Variants in EML2 observed in about 807,000 individuals in gnomAD.
The protein encoded by EML2 is EMAP like 2, also known as echinoderm microtubule-associated protein-like 2.
EML2 carries 59 observed loss-of-function variants against 84.7 expected under a neutral mutation model. The ratio of observed to expected loss-of-function variants is 0.70; its 90% CI spans 0.56 to 0.86. The LOEUF (loss-of-function observed/expected upper bound fraction) is 0.86. Among genes scored for constraint, EML2 ranks in the 40% least tolerant of loss-of-function variants. EML2 has a pLI of 0.00. For synonymous variants in EML2, 352 were observed against 348.9 expected (o/e 1.01, Z -0.10); for missense variants, 818 against 855.6 (o/e 0.96, Z 0.55).
rs536765162 is a variant in EML2 at position 45,637,254 on chromosome 19, T to C, written c.179+1251A>G. 1.1e-3 allele frequency among the ~76,000 whole-genome samples: 166 copies of C among 152,232 alleles called. 1 individual carries two copies. Among genetic ancestry groups the C allele is most frequent in the African/African-American group, 3.7e-3 (153 of 41,548 alleles). On this transcript the variant is annotated intron_variant, in intron 3 of 18. Transcript: ENST00000245925. ...GGTTCCTGGGGTGTGGACTCCAAGC[T>C]CAATAGGATTTTAGGAAAAAGTTTG...
chr19:45,638,984 G>A (rs1180801284), intron 1 of EML2, 111 bp from the exon 2 acceptor site: 4 of 1,295,274 alleles, frequency 3.1e-6, no homozygotes, highest in Non-Finnish European at 4.5e-6. Context: ...TGAAAACGGG[G>A]CCGAGTAAGG....
chr19:45,637,072 T>C (rs1295634018), intron 3 of EML2, among the ~76,000 whole-genome samples: 2 of 152,266 alleles, frequency 1.3e-5, no homozygotes, highest in Non-Finnish European at 1.5e-5. Flanking sequence ...CAGATGCTTA[T>C]CAAGCCCTAC....
At chr19:45,643,795 C>T (rs1165673161), upstream of EML2, 173 of 1,464,106 alleles carry the variant, frequency 1.2e-4, 1 homozygote, top group South Asian at 2.3e-3. Context: ...CGCCCTGCCC[C>T]CCACTCAGCG....
At chr19:45,626,932 G>A (rs1972415717) in intron 7 of EML2, 93 bp from the exon 8 acceptor site, 3 of 1,241,084 alleles carry the variant, frequency 2.4e-6, no homozygotes, top group South Asian at 3.1e-5. Context: ...ACGGCTGTTT[G>A]TGTTGTATGC....
upstream of EML2, chr19:45,643,675 C>T (rs1383824276): frequency 6.5e-7 from 1 of 1,535,882 alleles, no homozygotes; most frequent in African/African-American, 1.4e-5. Context: ...TGGAGCTCGC[C>T]CCTGCCATCC....
chr19:45,643,968 A>G (rs745591970), upstream of EML2, among the ~76,000 whole-genome samples: 7 of 152,160 alleles, frequency 4.6e-5, no homozygotes, highest in Non-Finnish European at 1.0e-4. Context: ...GGCTAGTAGG[A>G]GTGTGCAGAG....
upstream of EML2, chr19:45,644,889 C>A (rs938756898): frequency 4.6e-6 from 2 of 432,394 alleles, no homozygotes; most frequent in African/African-American, 4.0e-5. Flanking sequence ...CAAATCCACC[C>A]CCACCCCCTC....
intron 4 of EML2, among the ~76,000 whole-genome samples, chr19:45,633,952 A>ACTGT (rs1973396202): frequency 6.6e-6 from 1 of 152,062 alleles, no homozygotes; most frequent in Admixed American, 6.6e-5. Flanking sequence ...GCGTGAATTC[A>ACTGT]CTGTCTGAAT....
At chr19:45,626,950 C>T (rs1037576546) in intron 7 of EML2, 111 bp from the exon 8 acceptor site, 2 of 927,898 alleles carry the variant, frequency 2.2e-6, no homozygotes, top group Non-Finnish European at 2.9e-6. Flanking sequence ...TGCTGCACAC[C>T]TGAACTTTTC....
chr19:45,624,843 T>C, intron 8 of EML2, 25 bp from the exon 9 acceptor site: 2 of 1,557,604 alleles, frequency 1.3e-6, no homozygotes, highest in Non-Finnish European at 1.8e-6. Flanking sequence ...GAAAGGAAGG[T>C]GTCAGAGCGT....
intron 6 of EML2, among the ~76,000 whole-genome samples, chr19:45,631,061 G>A (rs1972969847): frequency 6.6e-6 from 1 of 152,080 alleles, no homozygotes; most frequent in African/African-American, 2.4e-5. Flanking sequence ...TGGCCAAGCT[G>A]GTCTTGAACT....
chr19:45,609,854 C>G, intron 18 of EML2, 66 bp from the exon 19 acceptor site: 1 of 1,541,832 alleles, frequency 6.5e-7, no homozygotes, highest in African/African-American at 1.4e-5. Context: ...TCATGGTCCT[C>G]TTGTCTTGAC....
chr19:45,642,275 C>T, upstream of EML2: 1 of 1,535,982 alleles, frequency 6.5e-7, no homozygotes, highest in South Asian at 1.2e-5. Context: ...AGCTCGTCTT[C>T]CTGTAACTGC....
intron 14 of EML2, 65 bp downstream of exon 14, chr19:45,616,700 T>TG (rs1971122264): frequency 6.6e-7 from 1 of 1,505,100 alleles, no homozygotes; most frequent in Admixed American, 1.8e-5. Flanking sequence ...CCCCTCCCCC[T>TG]GCCAAGAGCT....
Position 45,617,700 on chromosome 19 carries a change from G to C in EML2, c.1255-3C>G, listed in dbSNP as rs1478516084. 2 of 1,613,312 alleles carry C rather than the reference G, an allele frequency of 1.2e-6. No homozygotes were observed. Among genetic ancestry groups the C allele is most frequent in the Non-Finnish European group, 1.7e-6 (2 of 1,179,684 alleles). On this transcript the variant is annotated splice_region_variant and splice_polypyrimidine_tract_variant and intron_variant, in intron 12 of 18. Coordinates refer to ENST00000245925, the MANE Select transcript of EML2 (RefSeq NM_012155.4). Reference sequence around the variant, plus strand: ...AAGCCGGCTGAGCGGGCAGGGTCCTGAGAAGGGAGAGAGAAGAGGCAGGGC... The same window carrying C: ...AAGCCGGCTGAGCGGGCAGGGTCCTCAGAAGGGAGAGAGAAGAGGCAGGGC...
chr19:45,635,834 T>C (rs1189444703), intron 3 of EML2, among the ~76,000 whole-genome samples: 1 of 151,356 alleles, frequency 6.6e-6, no homozygotes, highest in Non-Finnish European at 1.5e-5. Flanking sequence ...TCAGGTGATC[T>C]GCCCACCTCG....
At chr19:45,632,722 C>T (rs1973204211) in intron 6 of EML2, 139 bp downstream of exon 6, 1 of 720,028 alleles carries the variant, frequency 1.4e-6, no homozygotes, top group Non-Finnish European at 2.3e-6. Flanking sequence ...AGGACACGCC[C>T]TCATTGTGAC....
intron 9 of EML2, among the ~76,000 whole-genome samples, chr19:45,624,501 A>G (rs12327851): frequency 0.041 from 6,167 of 152,096 alleles, 439 homozygotes; most frequent in African/African-American, 0.14. Context: ...GATAATCTGG[A>G]CTTGATCCCT....
Position 45,614,702 on chromosome 19 carries a change from T to A in EML2, c.1598-2A>T. The A allele has an allele frequency of 6.2e-7, 1 of 1,613,472 alleles. No individual in the cohort carries two copies. The highest frequency in any genetic ancestry group is 8.5e-7 in the Non-Finnish European group (1 of 1,179,494). On this transcript the variant is annotated splice_acceptor_variant, in intron 16 of 18. Transcript: ENST00000245925. LOFTEE classifies it high-confidence loss of function. ...TCTGCTTACAGGTAGCCGGGTCCCC[T>A]GGGGCAGAAAATGGGAGGAGACATT...
Sources: allele counts gnomAD v4.1 joint callset (sites outside exome capture counted in the v4.1 genomes callset), GRCh38; gene constraint gnomAD v4.1.1; transcripts MANE v1.5; gene names NCBI Gene and HGNC (gene_info 2026-07-23, HGNC 2026-07-21).